The following AP3B1 variants were observed in gnomAD, a reference collection of about 807,000 sequenced individuals.
AP3B1 encodes adaptor related protein complex 3 subunit beta 1, also known as AP-3 complex subunit beta-1.
AP3B1 carries 61 observed loss-of-function variants against 132.5 expected under a neutral mutation model. The ratio of observed to expected loss-of-function variants is 0.46; its 90% CI spans 0.37 to 0.57. The LOEUF is 0.57. Among genes scored for constraint, AP3B1 ranks in the 20% least tolerant of loss-of-function variants. The pLI, the probability that AP3B1 is intolerant of heterozygous loss-of-function variation, is 0.00. For synonymous variants in AP3B1, 388 were observed against 438.3 expected, an observed-to-expected ratio of 0.89 and a Z score of 1.43; for missense variants, 1,120 against 1,289.4, an observed-to-expected ratio of 0.87 and a Z score of 2.01.
At chr5:78,277,002 A>G (rs1748808700) in intron 1 of AP3B1, among the ~76,000 whole-genome samples, 1 of 152,164 alleles carries the variant, frequency 6.6e-6, no homozygotes, top group African/African-American at 2.4e-5. Context: ...AACTCAAAGT[A>G]CAAGTAATAA....
chr5:78,241,709 G>A lies in AP3B1; in HGVS notation c.205-773C>T, dbSNP rs192849435. Among the ~76,000 whole-genome samples the A allele has an allele frequency of 1.2e-3, 185 of 152,184 alleles. No homozygotes were observed. In the Middle Eastern group the frequency reaches 0.034, roughly 28 times the overall value. On this transcript the variant is annotated intron_variant, in intron 2 of 26. Transcript: ENST00000255194. ...TGAAACTCCTAAGATTTCATTCACC[G>A]TTAGGACTAACTGTAGCCCAAATCC...
chr5:78,219,884 G>C (rs1182345039), intron 6 of AP3B1, among the ~76,000 whole-genome samples: 7 of 152,118 alleles, frequency 4.6e-5, no homozygotes. Flanking sequence ...ATATGTATCA[G>C]CAGCAACACC....
chr5:78,121,080 C>T (rs989164067), intron 17 of AP3B1, among the ~76,000 whole-genome samples: 2 of 152,164 alleles, frequency 1.3e-5, no homozygotes, highest in Non-Finnish European at 2.9e-5. Flanking sequence ...GAACAACCTG[C>T]TCCTGAATGA....
intron 20 of AP3B1, among the ~76,000 whole-genome samples, chr5:78,108,786 G>A (rs72776424): frequency 0.032 from 4,798 of 152,180 alleles, 111 homozygotes; most frequent in Non-Finnish European, 0.048. Flanking sequence ...TCAGGGGGAG[G>A]AAGGGGTACA....
chr5:78,116,471 T>C lies in AP3B1; in HGVS notation c.1969-237A>G, dbSNP rs551241560. Among the ~76,000 whole-genome samples the C allele has an allele frequency of 3.8e-4, 58 of 152,276 alleles. 1 individual carries two copies. In the South Asian group the frequency reaches 8.9e-3, roughly 23 times the overall value. On this transcript the variant is annotated intron_variant, in intron 17 of 26. Transcript: ENST00000255194. ...CAACAATCTTATTTTAAATATACAA[T>C]TTTTAAAACTTTTGTGTTTTTTGGC...
At chr5:78,240,291 AT>A (rs1747069163) in intron 3 of AP3B1, among the ~76,000 whole-genome samples, 1 of 152,216 alleles carries the variant, frequency 6.6e-6, no homozygotes, top group Non-Finnish European at 1.5e-5. Flanking sequence ...TTTTCAATTA[AT>A]TTATCAATTA....
At chr5:78,117,123 T>C (rs1253277711) in intron 17 of AP3B1, among the ~76,000 whole-genome samples, 1 of 151,418 alleles carries the variant, frequency 6.6e-6, no homozygotes, top group Non-Finnish European at 1.5e-5. Flanking sequence ...GCTCCCAGTT[T>C]AGGGCCTTCA....
intron 26 of AP3B1, among the ~76,000 whole-genome samples, chr5:78,007,986 C>T (rs1366413079): frequency 6.6e-6 from 1 of 152,134 alleles, no homozygotes; most frequent in Middle Eastern, 3.2e-3. Flanking sequence ...TAAACAACCA[C>T]CATAATTTAG....
In AP3B1 at chr5:78,083,454, G is replaced by T. The variant is rs372401285; in HGVS notation, c.2577+5939C>A. Among the ~76,000 whole-genome samples, 24 of 152,196 alleles carry T rather than the reference G, an allele frequency of 1.6e-4. 1 individual carries two copies. In the South Asian group the frequency reaches 5.0e-3, roughly 32 times the overall value. On this transcript the variant is annotated intron_variant, in intron 22 of 26. Coordinates refer to ENST00000255194, the MANE Select transcript of AP3B1 (RefSeq NM_003664.5). ...CACATTTATTCTTACACACAAAATT[G>T]TCTTTTTTCCCCCTATTCTTTTTTC...
At chr5:78,193,744 T>A (rs12697877) in intron 7 of AP3B1, among the ~76,000 whole-genome samples, 24,260 of 105,660 alleles carry the variant, frequency 0.23, 3,115 homozygotes, top group Admixed American at 0.27. Flanking sequence ...ATATATTTTT[T>A]TATATATATA....
At chr5:78,263,090 G>A (rs923579699) in intron 2 of AP3B1, among the ~76,000 whole-genome samples, 1 of 152,120 alleles carries the variant, frequency 6.6e-6, no homozygotes, top group African/African-American at 2.4e-5. Context: ...GATAGGAATT[G>A]CATTGAATAT....
chr5:78,038,108 G>A (rs1370597332), intron 23 of AP3B1, among the ~76,000 whole-genome samples: 5 of 152,286 alleles, frequency 3.3e-5, no homozygotes, highest in South Asian at 2.1e-4. Flanking sequence ...GGGGGCAGCC[G>A]CTGCTCAGCA....
At chr5:78,276,359 T>C (rs1748775412) in intron 1 of AP3B1, among the ~76,000 whole-genome samples, 1 of 152,094 alleles carries the variant, frequency 6.6e-6, no homozygotes, top group African/African-American at 2.4e-5. Flanking sequence ...TGAGCCACCA[T>C]GCCAGCCTGC....
chr5:78,252,677 G>T (rs1747689411), intron 2 of AP3B1, among the ~76,000 whole-genome samples: 1 of 152,164 alleles, frequency 6.6e-6, no homozygotes, highest in Non-Finnish European at 1.5e-5. Context: ...GCACCTTGTG[G>T]TTTGAGTGCC....
chr5:78,128,688 C>T (rs1247834325), intron 16 of AP3B1, among the ~76,000 whole-genome samples: 4 of 152,028 alleles, frequency 2.6e-5, no homozygotes, highest in African/African-American at 9.7e-5. Context: ...CTTTGAAAAA[C>T]CAGTTTAAAT....
chr5:78,252,605 G>T (rs544955209), intron 2 of AP3B1, among the ~76,000 whole-genome samples: 2 of 152,312 alleles, frequency 1.3e-5, no homozygotes, highest in South Asian at 4.1e-4. Context: ...GGCCTGGGGT[G>T]GTGGTGGCTA....
intron 2 of AP3B1, among the ~76,000 whole-genome samples, chr5:78,258,260 A>G (rs1479945134): frequency 2.6e-5 from 4 of 152,252 alleles, no homozygotes. Flanking sequence ...CAAACTATCC[A>G]TCTCACAAGA....
chr5:78,004,686 T>C (rs1033361751), intron 26 of AP3B1, among the ~76,000 whole-genome samples: 2 of 152,248 alleles, frequency 1.3e-5, no homozygotes, highest in Admixed American at 1.3e-4. Context: ...TGTTAGCTAA[T>C]GGGCTATCAA....
In AP3B1 at chr5:78,282,002, AGACTCCATGT is replaced by A. The variant is rs1222584083; in HGVS notation, c.128+12440_128+12449del. 4.6e-5 allele frequency among the ~76,000 whole-genome samples: 7 copies of A among 152,226 alleles called. No homozygotes were observed. The East Asian group carries it at 1.3e-3, about 29-fold the overall frequency. On this transcript the variant is annotated intron_variant, in intron 1 of 26. Transcript: ENST00000255194. ...ACTCTAAAAGAAAAAAAAGCTCGTTAGACTCCATGTCTCCCTGCAATAACCATCCTTCGTC... is the reference window on the plus strand; with the variant it reads ...ACTCTAAAAGAAAAAAAAGCTCGTTACTCCCTGCAATAACCATCCTTCGTC...
Sources: allele counts gnomAD v4.1 joint callset (sites outside exome capture counted in the v4.1 genomes callset), GRCh38; gene constraint gnomAD v4.1.1; transcripts MANE v1.5; gene names NCBI Gene and HGNC (gene_info 2026-07-23, HGNC 2026-07-21).